The following PLCG2 variants were observed in gnomAD, a reference collection of about 807,000 sequenced individuals.
The protein encoded by PLCG2 is 1-phosphatidylinositol 4,5-bisphosphate phosphodiesterase gamma-2.
In PLCG2, 69 loss-of-function variants were observed where a neutral mutation model predicts 175.6. The ratio of observed to expected loss-of-function variants is 0.39; its 90% CI spans 0.32 to 0.48. The LOEUF (loss-of-function observed/expected upper bound fraction) is 0.48. PLCG2 is among the 20% of genes least tolerant of loss of function. PLCG2 has a pLI of 0.91. For synonymous variants in PLCG2, 827 were observed against 624.0 expected (o/e 1.33, Z -4.85); for missense variants, 1,798 against 1,650.9 (o/e 1.09, Z -1.54).
At chr16:81,834,534 G>C (rs559507530) in intron 2 of PLCG2, among the ~76,000 whole-genome samples, 1 of 152,144 alleles carries the variant, frequency 6.6e-6, no homozygotes, top group South Asian at 2.1e-4. Flanking sequence ...GGGAGAGACC[G>C]CTGAGATGAT....
intron 2 of PLCG2, among the ~76,000 whole-genome samples, chr16:81,759,128 C>A (rs1192085871): frequency 6.6e-6 from 1 of 152,084 alleles, no homozygotes; most frequent in Non-Finnish European, 1.5e-5. Context: ...GGATTCTTTA[C>A]CCACTGTTAA....
chr16:81,860,176 T>TATTATTATTA lies in PLCG2; in HGVS notation c.479+1013_479+1014insATTATTATTA, dbSNP rs200511055. On this transcript the variant is annotated intron_variant, in intron 5 of 32. Transcript: ENST00000564138. ...ATTATTATTATTATTATTATTATTT[T>TATTATTATTA]TTTTTTTTTTTGTAAAGGTGAAGTC... Among the ~76,000 whole-genome samples the TATTATTATTA allele has an allele frequency of 5.0e-3, 692 of 139,052 alleles. 3 individuals carry two copies. Among genetic ancestry groups the TATTATTATTA allele is most frequent in the African/African-American group, 0.019 (666 of 35,766 alleles). The allele number at this position is 139,052 out of a possible 152,430, so 91.2% of individuals were successfully genotyped here. A position where few individuals can be genotyped will look rare whatever the true frequency, so the allele number is the denominator to read the frequency against.
At chr16:81,868,617 C>A (rs1311475569) in intron 5 of PLCG2, among the ~76,000 whole-genome samples, 2 of 152,236 alleles carry the variant, frequency 1.3e-5, no homozygotes, top group Non-Finnish European at 2.9e-5. Flanking sequence ...ATAGTTACTC[C>A]TGATGTTTAC....
intron 31 of PLCG2, among the ~76,000 whole-genome samples, chr16:81,948,088 T>C (rs1362589396): frequency 6.6e-6 from 1 of 152,224 alleles, no homozygotes; most frequent in Non-Finnish European, 1.5e-5. Context: ...CTTTACTTTA[T>C]AAATAATATA....
chr16:81,745,979 T>C (rs966460406), intron 1 of PLCG2, among the ~76,000 whole-genome samples: 1 of 152,144 alleles, frequency 6.6e-6, no homozygotes, highest in African/African-American at 2.4e-5. Flanking sequence ...CCTTTTTCTT[T>C]AGAAGGGAGC....
intron 30 of PLCG2, among the ~76,000 whole-genome samples, chr16:81,944,567 C>T (rs1002669169): frequency 6.6e-6 from 1 of 152,214 alleles, no homozygotes; most frequent in African/African-American, 2.4e-5. Flanking sequence ...TGGGCTCAAG[C>T]AATCCTCCTG....
intron 2 of PLCG2, among the ~76,000 whole-genome samples, chr16:81,804,284 G>T (rs568967056): frequency 3.7e-4 from 57 of 152,318 alleles, no homozygotes; most frequent in Non-Finnish European, 5.9e-4. Flanking sequence ...GTTCTGATTT[G>T]CATTTTCCTG....
At chr16:81,751,797 G>A (rs1567693279) in intron 1 of PLCG2, among the ~76,000 whole-genome samples, 1 of 152,088 alleles carries the variant, frequency 6.6e-6, no homozygotes, top group Non-Finnish European at 1.5e-5. Context: ...CACGGTGGGT[G>A]GATCACCTGA....
chr16:81,894,943 T>C (rs2143612903), intron 12 of PLCG2, among the ~76,000 whole-genome samples: 1 of 152,300 alleles, frequency 6.6e-6, no homozygotes, highest in East Asian at 1.9e-4. Context: ...GCTCCAGTGT[T>C]ACCAAAACGA....
chr16:81,812,944 T>C (rs1904382214), intron 2 of PLCG2, among the ~76,000 whole-genome samples: 1 of 152,212 alleles, frequency 6.6e-6, no homozygotes, highest in Admixed American at 6.5e-5. Flanking sequence ...CCTTTCCCCG[T>C]TGCTTGTTTT....
intron 24 of PLCG2, among the ~76,000 whole-genome samples, chr16:81,930,747 C>CA (rs34004978): frequency 0.076 from 9,525 of 125,716 alleles, 491 homozygotes; most frequent in East Asian, 0.13. Context: ...CACCCTGTCT[C>CA]AAAAAAAAAA....
Position 81,910,695 on chromosome 16 carries a change from A to G in PLCG2, c.1909A>G (p.Asn637Asp). The G allele has an allele frequency of 6.2e-7, 1 of 1,611,144 alleles. No homozygotes were observed. Among genetic ancestry groups the G allele is most frequent in the African/African-American group, 1.3e-5 (1 of 75,056 alleles). Residue 637 changes from asparagine to aspartate, a missense_variant, in exon 18 of 33, where the codon AAC (asparagine) becomes GAC (aspartate). Asn to Asp is a conservative substitution (Grantham distance 23). Transcript: ENST00000564138. Reference sequence around the variant, plus strand: ...GCTGCGGCTCACGGACCCTGTGCCCAACCCCAACCCCCACGAGTCCAAGCC... The same window carrying G: ...GCTGCGGCTCACGGACCCTGTGCCCGACCCCAACCCCCACGAGTCCAAGCC... ...FELRLTDPVP[N>D]PNPHESKPWY...
chr16:81,841,002 A>G (rs1037351131), intron 2 of PLCG2, among the ~76,000 whole-genome samples: 5 of 152,208 alleles, frequency 3.3e-5, no homozygotes, highest in Non-Finnish European at 7.3e-5. Context: ...TCTATTGAAT[A>G]GTTCTGCATG....
chr16:81,910,459 C>G (rs930427337), intron 17 of PLCG2, 61 bp from the exon 18 acceptor site: 4 of 1,481,414 alleles, frequency 2.7e-6, no homozygotes, highest in Admixed American at 3.3e-5. Context: ...CTCTGAGGCC[C>G]TGGCTGCCGC....
At chr16:81,778,016 C>CAAAAAAAAAAAAAAAAA (rs753644088), upstream of PLCG2, among the ~76,000 whole-genome samples, 2 of 49,088 alleles carry the variant, frequency 4.1e-5, no homozygotes, top group Non-Finnish European at 7.1e-5. Context: ...GACTTTGTCT[C>CAAAAAAAAAAAAAAAAA]AAAAAAAAAA....
chr16:81,851,125 C>T (rs913814486), intron 2 of PLCG2, among the ~76,000 whole-genome samples: 1 of 152,114 alleles, frequency 6.6e-6, no homozygotes, highest in African/African-American at 2.4e-5. Context: ...TTAGAGATAC[C>T]ACCCCCCTAA....
chr16:81,903,497 T>A (rs1175983504), intron 14 of PLCG2, among the ~76,000 whole-genome samples: 1 of 152,234 alleles, frequency 6.6e-6, no homozygotes, highest in Non-Finnish European at 1.5e-5. Context: ...TGTCATTGTC[T>A]TAGTCTTGCA....
intron 13 of PLCG2, among the ~76,000 whole-genome samples, chr16:81,896,686 C>G (rs960792077): frequency 6.6e-6 from 1 of 152,190 alleles, no homozygotes; most frequent in Non-Finnish European, 1.5e-5. Flanking sequence ...TCACCCCCAC[C>G]AAACCTGTTT....
chr16:81,925,806 G>C (rs1160979894), intron 22 of PLCG2, among the ~76,000 whole-genome samples: 1 of 151,800 alleles, frequency 6.6e-6, no homozygotes, highest in Non-Finnish European at 1.5e-5. Flanking sequence ...AGAATTGCTT[G>C]AACCTGGGAG....
Sources: allele counts gnomAD v4.1 joint callset (sites outside exome capture counted in the v4.1 genomes callset), GRCh38; gene constraint gnomAD v4.1.1; transcripts MANE v1.5; gene names NCBI Gene and HGNC (gene_info 2026-07-23, HGNC 2026-07-21).